The following UBA2 variants were observed in gnomAD, a reference collection of about 807,000 sequenced individuals.
UBA2 encodes the protein ubiquitin like modifier activating enzyme 2.
In UBA2, 11 loss-of-function variants were observed where a neutral mutation model predicts 77.2. That is an observed-to-expected ratio of 0.14 (90% CI 0.09 to 0.24). The LOEUF (loss-of-function observed/expected upper bound fraction) is 0.24, where lower values mean the gene tolerates loss of function less well. Among genes scored for constraint, UBA2 ranks in the 10% least tolerant of loss-of-function variants. The pLI, the probability that UBA2 is intolerant of heterozygous loss-of-function variation, is 1.00. For synonymous variants in UBA2, 278 were observed against 276.7 expected (o/e 1.00, Z -0.05); for missense variants, 487 against 781.7 (o/e 0.62, Z 4.50).
intron 13 of UBA2, 141 bp downstream of exon 13, chr19:34,459,065 A>T (rs899256973): frequency 8.1e-6 from 7 of 867,644 alleles, no homozygotes; most frequent in Admixed American, 3.3e-5. Flanking sequence ...TGCCTTCTGG[A>T]TTCCTGCAGG....
intron 1 of UBA2, chr19:34,428,937 A>T: frequency 1.0e-6 from 1 of 991,224 alleles, no homozygotes; most frequent in Non-Finnish European, 1.2e-6. Flanking sequence ...GGATGTTGTG[A>T]CTTTAATTTT....
rs1406982731 is a variant in UBA2 at position 34,471,241 on chromosome 19, T to C, written c.*2020T>C. The C allele has an allele frequency of 6.6e-6, 1 of 152,196 alleles. No individual in the cohort carries two copies. The highest frequency in any genetic ancestry group is 1.5e-5 in the Non-Finnish European group (1 of 68,016). 9.4% of individuals were successfully genotyped at this position (152,196 alleles called of 1,614,324 possible). A position where few individuals can be genotyped will look rare whatever the true frequency, so the allele number is the denominator to read the frequency against. ...TTTTATATTTCAACTAAATTTTAAA[T>C]TTCTAATTCATGTATTGTTCCTTGT... On this transcript the variant is annotated 3_prime_UTR_variant, in exon 17 of 17. Coordinates refer to ENST00000246548, the MANE Select transcript of UBA2 (RefSeq NM_005499.3).
intron 12 of UBA2, among the ~76,000 whole-genome samples, chr19:34,455,994 C>T (rs2075554817): frequency 6.6e-6 from 1 of 151,350 alleles, no homozygotes; most frequent in Non-Finnish European, 1.5e-5. Context: ...CCGGGTTGGT[C>T]CTGAACTCCT....
intron 14 of UBA2, among the ~76,000 whole-genome samples, 158 bp downstream of exon 14, chr19:34,460,724 T>C (rs2075622130): frequency 6.6e-6 from 1 of 152,162 alleles, no homozygotes; most frequent in Admixed American, 6.5e-5. Flanking sequence ...CTGGGGGTCA[T>C]CACACTTCCA....
chr19:34,434,878 C>T lies in UBA2; in HGVS notation c.369C>T (p.Asn123=), dbSNP rs745955484. Residue 123 remains asparagine, a synonymous_variant, in exon 5 of 17, where the codon AAC becomes AAT. Coordinates refer to ENST00000246548, the MANE Select transcript of UBA2 (RefSeq NM_005499.3). ...MNALDNRAAR[N]HVNRMCLAAD... ...TTGTTTTACTTCCAGCTGCCCGAAA[C>T]CATGTTAATAGAATGTGCCTGGCAG... The T allele has an allele frequency of 1.9e-6, 3 of 1,602,892 alleles. No homozygotes were observed. The highest frequency in any genetic ancestry group is 1.7e-6 in the Non-Finnish European group (2 of 1,173,700).
chr19:34,465,518 T>G (rs2075677889), intron 15 of UBA2, among the ~76,000 whole-genome samples: 1 of 151,608 alleles, frequency 6.6e-6, no homozygotes, highest in Admixed American at 6.6e-5. Context: ...GTGCCTGCAG[T>G]CCCAGCTACT....
At position 34,450,742 on chromosome 19, in the gene UBA2, C is replaced by CTTTTTTTTTTTTT. The variant is rs59580124; in HGVS notation, c.871+390_871+402dup. Among the ~76,000 whole-genome samples, 29 of 83,432 alleles carry CTTTTTTTTTTTTT rather than the reference C, an allele frequency of 3.5e-4. 1 individual carries two copies. Among genetic ancestry groups the CTTTTTTTTTTTTT allele is most frequent in the South Asian group, 1.5e-3 (3 of 1,938 alleles). The allele number at this position is 83,432 out of a possible 152,430, so 54.7% of individuals were successfully genotyped here. A position where few individuals can be genotyped will look rare whatever the true frequency, so the allele number is the denominator to read the frequency against. On this transcript the variant is annotated intron_variant, in intron 9 of 16. Coordinates refer to ENST00000246548, the MANE Select transcript of UBA2 (RefSeq NM_005499.3). Reference sequence around the variant, plus strand: ...GAAATTGCTATATATTTATGTATATCTTTTTTTTTTTTTTTTTTTTTTTTG... The same window carrying CTTTTTTTTTTTTT: ...GAAATTGCTATATATTTATGTATATCTTTTTTTTTTTTTTTTTTTTTTTTTTTTTTTTTTTTTG...
intron 4 of UBA2, 145 bp downstream of exon 4, chr19:34,433,557 G>A (rs2075277923): frequency 1.6e-6 from 1 of 635,580 alleles, no homozygotes; most frequent in African/African-American, 1.8e-5. Context: ...CATGCCCATT[G>A]ATTGCAGTTT....
At chr19:34,450,742 C>CTTTTTTTTTTTTTTTTTTTTTTTT (rs59580124) in intron 9 of UBA2, among the ~76,000 whole-genome samples, 3 of 83,402 alleles carry the variant, frequency 3.6e-5, no homozygotes, top group Non-Finnish European at 2.1e-5. Flanking sequence ...TTATGTATAT[C>CTTTTTTTTTTTTTTTTTTTTTTTT]TTTTTTTTTT....
intron 9 of UBA2, among the ~76,000 whole-genome samples, chr19:34,451,160 A>C (rs1025524119): frequency 6.6e-6 from 1 of 152,018 alleles, no homozygotes; most frequent in Admixed American, 6.6e-5. Flanking sequence ...TGTGCCCAGC[A>C]TATTTTAAAA....
At chr19:34,466,570 C>CT (rs2075690468) in intron 15 of UBA2, among the ~76,000 whole-genome samples, 1 of 152,008 alleles carries the variant, frequency 6.6e-6, no homozygotes. Flanking sequence ...TGTGTACCGT[C>CT]TTTTTTATTA....
At chr19:34,454,615 G>T in intron 12 of UBA2, 59 bp downstream of exon 12, 2 of 876,740 alleles carry the variant, frequency 2.3e-6, no homozygotes, top group East Asian at 2.8e-5. Flanking sequence ...TTAATTAAAA[G>T]TACATTAAAC....
At chr19:34,456,971 T>C (rs2145552992) in intron 12 of UBA2, among the ~76,000 whole-genome samples, 1 of 151,644 alleles carries the variant, frequency 6.6e-6, no homozygotes, top group South Asian at 2.1e-4. Flanking sequence ...ATGTCTGTTA[T>C]TTCCCATCAC....
chr19:34,429,441 T>A (rs1209775332), intron 1 of UBA2, among the ~76,000 whole-genome samples: 1 of 152,228 alleles, frequency 6.6e-6, no homozygotes, highest in African/African-American at 2.4e-5. Context: ...AGTCATTGTT[T>A]CTTTCCTTTA....
chr19:34,432,084 A>T, intron 3 of UBA2, 153 bp downstream of exon 3: 1 of 535,938 alleles, frequency 1.9e-6, no homozygotes, highest in South Asian at 2.8e-5. Flanking sequence ...TCTTTTTACC[A>T]GTTCATAAAT....
At chr19:34,433,458 C>T (rs767004030) in intron 4 of UBA2, 46 bp downstream of exon 4, 3 of 1,244,250 alleles carry the variant, frequency 2.4e-6, no homozygotes, top group South Asian at 1.3e-5. Context: ...TTCCTCTCTC[C>T]CATATCAAAT....
At chr19:34,459,765 G>T (rs1328088798) in intron 13 of UBA2, among the ~76,000 whole-genome samples, 1 of 152,170 alleles carries the variant, frequency 6.6e-6, no homozygotes, top group Non-Finnish European at 1.5e-5. Flanking sequence ...GGAGGAAGTG[G>T]CCCTTCTCAA....
In UBA2 at chr19:34,443,859, A is replaced by G. The variant is rs201201716; in HGVS notation, c.597A>G (p.Glu199=). The part of the protein sequence containing the change: ...AKYLFNQLFG[E]EDADQEVSPD... ...TAAATTATAGCCAGTTGTTTGGGGA[A>G]GAAGATGCTGATCAAGAAGTATCTC... Residue 199 remains glutamate, a synonymous_variant, in exon 7 of 17, where the codon GAA becomes GAG. Transcript: ENST00000246548. 1.2e-6 allele frequency: 2 copies of G among 1,608,450 alleles called. No individual in the cohort carries two copies. Among genetic ancestry groups the G allele is most frequent in the South Asian group, 1.1e-5 (1 of 90,982 alleles).
intron 9 of UBA2, among the ~76,000 whole-genome samples, chr19:34,451,759 G>T (rs1311939640): frequency 6.6e-6 from 1 of 151,812 alleles, no homozygotes; most frequent in Admixed American, 6.6e-5. Flanking sequence ...TGTTAGCCAG[G>T]ATGGTCTCGA....
Sources: allele counts gnomAD v4.1 joint callset (sites outside exome capture counted in the v4.1 genomes callset), GRCh38; gene constraint gnomAD v4.1.1; transcripts MANE v1.5; gene names NCBI Gene and HGNC (gene_info 2026-07-23, HGNC 2026-07-21).